EPHB2: variants seen among roughly 807,000 people sequenced by gnomAD.
EPHB2 encodes the protein EPH receptor B2, also known as ephrin type-B receptor 2.
EPHB2 carries 18 observed loss-of-function variants against 96.4 expected under a neutral mutation model. That is an observed-to-expected ratio of 0.19 (90% CI 0.13 to 0.28). The LOEUF is 0.28. EPHB2 is among the 10% of genes least tolerant of loss of function. The pLI, the probability that EPHB2 is intolerant of heterozygous loss-of-function variation, is 1.00. For synonymous variants in EPHB2, 506 were observed against 534.1 expected, an observed-to-expected ratio of 0.95 and a Z score of 0.72; for missense variants, 989 against 1,355.4, an observed-to-expected ratio of 0.73 and a Z score of 4.25.
intron 1 of EPHB2, among the ~76,000 whole-genome samples, chr1:22,756,684 A>T (rs912930562): frequency 6.6e-6 from 1 of 151,998 alleles, no homozygotes; most frequent in Non-Finnish European, 1.5e-5. Context: ...TCCACCCCGA[A>T]CTAACCCCAC....
At chr1:22,717,468 C>T (rs546700201) in intron 1 of EPHB2, among the ~76,000 whole-genome samples, 4 of 152,224 alleles carry the variant, frequency 2.6e-5, no homozygotes, top group Admixed American at 1.3e-4. Flanking sequence ...CCATCTGCCC[C>T]CCTGCTGCAG....
At chr1:22,814,126 C>T (rs997372348) in intron 3 of EPHB2, among the ~76,000 whole-genome samples, 3 of 151,960 alleles carry the variant, frequency 2.0e-5, no homozygotes, top group Admixed American at 6.6e-5. Flanking sequence ...GCCGAGATCG[C>T]GCCATTGCAC....
Position 22,772,237 on chromosome 1 carries a change from C to T in EPHB2, c.62-9184C>T, listed in dbSNP as rs1045838983. Among the ~76,000 whole-genome samples, 25 of 152,274 alleles carry T rather than the reference C, an allele frequency of 1.6e-4. No individual in the cohort carries two copies. The East Asian group carries it at 4.3e-3, about 26-fold the overall frequency. On this transcript the variant is annotated intron_variant, in intron 1 of 15. Coordinates refer to ENST00000374630, the MANE Select transcript of EPHB2 (RefSeq NM_017449.5). ...CCGGAGGATTGGGTTTCAGCCGGGG[C>T]GGCCAGTGCTGGCGGATGCCCAGGC...
rs188782246 is a variant in EPHB2, at chr1:22,835,159, G to A, written c.812-27878G>A. 1.2e-4 allele frequency among the ~76,000 whole-genome samples: 18 copies of A among 152,164 alleles called. No individual in the cohort carries two copies. The East Asian group carries it at 3.5e-3, about 30-fold the overall frequency. Reference sequence around the variant, plus strand: ...TTTGGGAGGCCAAGGCAGGCAGATTGCTTGAGTCCAGGAGTTCTGAGACCA... The same window carrying A: ...TTTGGGAGGCCAAGGCAGGCAGATTACTTGAGTCCAGGAGTTCTGAGACCA... On this transcript the variant is annotated intron_variant, in intron 3 of 15. Transcript: ENST00000374630.
At chr1:22,770,959 CAG>C (rs1644372692) in intron 1 of EPHB2, among the ~76,000 whole-genome samples, 1 of 152,158 alleles carries the variant, frequency 6.6e-6, no homozygotes, top group South Asian at 2.1e-4. Flanking sequence ...AGCATCAAAA[CAG>C]ATAATATGTG....
intron 6 of EPHB2, among the ~76,000 whole-genome samples, chr1:22,887,773 G>A (rs747569637): frequency 2.6e-5 from 4 of 152,200 alleles, no homozygotes; most frequent in Non-Finnish European, 4.4e-5. Flanking sequence ...ACCTGTGGTC[G>A]ATGGCCCCTG....
rs542242541 is a variant in EPHB2, at chr1:22,769,518, G to A, written c.62-11903G>A. Among the ~76,000 whole-genome samples, 7 of 152,120 alleles carry A rather than the reference G, an allele frequency of 4.6e-5. No individual in the cohort carries two copies. The South Asian group carries it at 6.2e-4, about 14-fold the overall frequency. ...GCCTCCTGGGTTCAAGTTGATTCTC[G>A]TGCCTCAATCTCCCAAGTAGCTGGG... On this transcript the variant is annotated intron_variant, in intron 1 of 15. Transcript: ENST00000374630.
intron 1 of EPHB2, among the ~76,000 whole-genome samples, chr1:22,768,915 C>A (rs1168739344): frequency 6.6e-6 from 1 of 152,162 alleles, no homozygotes. Flanking sequence ...GGGGTTCAAG[C>A]CAGTTGCCAC....
chr1:22,777,376 G>A (rs1334700379), intron 1 of EPHB2, among the ~76,000 whole-genome samples: 1 of 152,172 alleles, frequency 6.6e-6, no homozygotes, highest in Non-Finnish European at 1.5e-5. Context: ...TTGTGAGAAT[G>A]TTGGTGAGAG....
At chr1:22,760,062 C>T (rs770990009) in intron 1 of EPHB2, among the ~76,000 whole-genome samples, 11 of 152,168 alleles carry the variant, frequency 7.2e-5, no homozygotes, top group African/African-American at 2.4e-4. Context: ...CTCTGAGGCA[C>T]GTCAGATGGA....
chr1:22,741,252 T>C (rs1404217755), intron 1 of EPHB2, among the ~76,000 whole-genome samples: 2 of 152,102 alleles, frequency 1.3e-5, no homozygotes, highest in Admixed American at 6.5e-5. Context: ...CCTCTCTCGC[T>C]ATGGGGCTGC....
rs1640161136 is a variant in EPHB2 at position 22,913,111 on chromosome 1, T to C, written c.2853-351T>C. 5.3e-6 allele frequency: 2 copies of C among 376,996 alleles called. No individual in the cohort carries two copies. The highest frequency in any genetic ancestry group is 1.0e-5 in the Non-Finnish European group (2 of 197,160). The allele number at this position is 376,996 out of a possible 1,614,324, so 23.4% of individuals were successfully genotyped here. A position where few individuals can be genotyped will look rare whatever the true frequency, so the allele number is the denominator to read the frequency against. On this transcript the variant is annotated intron_variant, in intron 15 of 15. Coordinates refer to ENST00000374630, the MANE Select transcript of EPHB2 (RefSeq NM_017449.5). This position sits in a 1 kb window ranked among gnomAD's most constrained non-coding sequence, Gnocchi z 4.1. The stretch of plus-strand genomic sequence containing the variant: ...GGGAGGCTGAGGCAGGGGAATTGCT[T>C]GAACCAAGGAGGTAGAGGTTGCAGT...
intron 1 of EPHB2, chr1:22,774,747 G>A: frequency 2.8e-6 from 1 of 360,852 alleles, no homozygotes; most frequent in Non-Finnish European, 3.9e-6. Context: ...TGGACTTTAG[G>A]AACATCACCC....
chr1:22,860,785 G>A lies in EPHB2; in HGVS notation c.812-2252G>A, dbSNP rs1006539173. 1.3e-5 allele frequency among the ~76,000 whole-genome samples: 2 copies of A among 152,176 alleles called. No individual in the cohort carries two copies. Among genetic ancestry groups the A allele is most frequent in the Admixed American group, 1.3e-4 (2 of 15,286 alleles). ...CCCCATTCTGCAGAGGAGGAAACCC[G>A]TTCAGAGAGGCCGACTGCTCGACCA... On this transcript the variant is annotated intron_variant, in intron 3 of 15. Transcript: ENST00000374630. This position sits in a 1 kb window ranked among gnomAD's most constrained non-coding sequence, Gnocchi z 4.6.
intron 6 of EPHB2, among the ~76,000 whole-genome samples, chr1:22,886,620 C>CTTT (rs869229952): frequency 2.8e-4 from 27 of 96,116 alleles, no homozygotes; most frequent in African/African-American, 3.8e-4. Flanking sequence ...CCAGCAGAGT[C>CTTT]TTTTTTTTTT....
intron 6 of EPHB2, among the ~76,000 whole-genome samples, chr1:22,889,646 C>T (rs1196119704): frequency 6.6e-6 from 1 of 152,094 alleles, no homozygotes; most frequent in Non-Finnish European, 1.5e-5. Context: ...CAACCCCTGG[C>T]TGGGACATCT....
rs1242965593 is a variant in EPHB2, at chr1:22,758,111, G to A, written c.62-23310G>A. On this transcript the variant is annotated intron_variant, in intron 1 of 15. Coordinates refer to ENST00000374630, the MANE Select transcript of EPHB2 (RefSeq NM_017449.5). ...TTTTTTGTATTTTTAGTAGAGACGG[G>A]GTTTCACCGTGTTAGCCAGGATGGT... is the stretch of plus-strand genomic sequence containing the variant. Among the ~76,000 whole-genome samples, 3 of 143,776 alleles carry A rather than the reference G, an allele frequency of 2.1e-5. No individual in the cohort carries two copies. In the Admixed American group the frequency reaches 2.1e-4, roughly 10 times the overall value. The allele number at this position is 143,776 out of a possible 152,430, so 94.3% of individuals were successfully genotyped here. A position where few individuals can be genotyped will look rare whatever the true frequency, so the allele number is the denominator to read the frequency against.
At chr1:22,766,739 A>G (rs1244869591) in intron 1 of EPHB2, among the ~76,000 whole-genome samples, 2 of 152,154 alleles carry the variant, frequency 1.3e-5, no homozygotes, top group Non-Finnish European at 2.9e-5. Context: ...GCGTGGTGAG[A>G]TGCTTGAGGT....
chr1:22,760,717 C>T (rs977778594), intron 1 of EPHB2, among the ~76,000 whole-genome samples: 3 of 152,152 alleles, frequency 2.0e-5, no homozygotes, highest in African/African-American at 7.2e-5. Flanking sequence ...TGAGTCACTC[C>T]TCTGCTGCTG....
Sources: allele counts gnomAD v4.1 joint callset (sites outside exome capture counted in the v4.1 genomes callset), GRCh38; gene constraint gnomAD v4.1.1; non-coding constraint Gnocchi (gnomAD v3.1); transcripts MANE v1.5; gene names NCBI Gene and HGNC (gene_info 2026-07-23, HGNC 2026-07-21).